Variants in AUTS2 observed in about 807,000 individuals in gnomAD.
AUTS2 encodes the protein activator of transcription and developmental regulator AUTS2.
In AUTS2, 17 loss-of-function variants were observed where a neutral mutation model predicts 112.4. That is an observed-to-expected ratio of 0.15 (90% CI 0.10 to 0.23). AUTS2 has a LOEUF of 0.23. Ranked by LOEUF, AUTS2 falls within the 10% of genes least tolerant of loss-of-function variation. The probability of loss-of-function intolerance (pLI) is 1.00; values close to 1 mark genes in which losing one functional copy is unlikely to be tolerated. For missense variants in AUTS2, 1,510 were observed against 1,701.6 expected (o/e 0.89, Z 1.98); for synonymous variants, 751 against 702.7 (o/e 1.07, Z -1.09).
At chr7:70,342,150 C>T (rs1174809781) in intron 4 of AUTS2, among the ~76,000 whole-genome samples, 1 of 152,132 alleles carries the variant, frequency 6.6e-6, no homozygotes, top group Admixed American at 6.5e-5. Context: ...CTCTCCCTGC[C>T]TTGCAGTCAT....
At chr7:70,769,725 A>C (rs1421775763) in intron 10 of AUTS2, among the ~76,000 whole-genome samples, 1 of 152,140 alleles carries the variant, frequency 6.6e-6, no homozygotes, top group Admixed American at 6.5e-5. Context: ...GAGCACCCAA[A>C]AAGTGGCTCA....
rs987475496 is a variant in AUTS2 at position 70,689,694 on chromosome 7, T to C, written c.691-8875T>C. On this transcript the variant is annotated intron_variant, in intron 5 of 18. Coordinates refer to ENST00000342771, the MANE Select transcript of AUTS2 (RefSeq NM_015570.4). The stretch of plus-strand genomic sequence containing the variant: ...GGGAGGCTGAGGCAGGAGAATGGTG[T>C]GAACCCGGGAGGCGGGGCTTGCAGT... Among the ~76,000 whole-genome samples the C allele has an allele frequency of 3.4e-5, 5 of 145,628 alleles. No homozygotes were observed. In the East Asian group the frequency reaches 1.0e-3, roughly 30 times the overall value.
At position 70,206,253 on chromosome 7, in the gene AUTS2, T is replaced by G. The variant is rs1248407661; in HGVS notation, c.660+71682T>G. On this transcript the variant is annotated intron_variant, in intron 4 of 18. Transcript: ENST00000342771. ...ATTTTACAGCTTGAAAGTGGAGGCTTTCTTGTGTATCTATGTATGGTGATG... is the reference window on the plus strand; with the variant it reads ...ATTTTACAGCTTGAAAGTGGAGGCTGTCTTGTGTATCTATGTATGGTGATG... Among the ~76,000 whole-genome samples, 6 of 152,280 alleles carry G rather than the reference T, an allele frequency of 3.9e-5. No homozygotes were observed. The South Asian group carries it at 6.2e-4, about 16-fold the overall frequency.
At chr7:70,647,081 G>C (rs1405616272) in intron 5 of AUTS2, among the ~76,000 whole-genome samples, 5 of 152,180 alleles carry the variant, frequency 3.3e-5, no homozygotes, top group Non-Finnish European at 7.3e-5. Context: ...ACCCAGGAGA[G>C]AAGTTTGTTT....
intron 1 of AUTS2, among the ~76,000 whole-genome samples, chr7:69,729,878 T>A (rs138672649): frequency 6.6e-6 from 1 of 152,104 alleles, no homozygotes; most frequent in African/African-American, 2.4e-5. Context: ...AAAAAGTTGT[T>A]CTTCCCCTTT....
At chr7:70,314,146 CT>C (rs1230047788) in intron 4 of AUTS2, among the ~76,000 whole-genome samples, 22 of 152,258 alleles carry the variant, frequency 1.4e-4, no homozygotes, top group Middle Eastern at 3.4e-3. Context: ...GTGAGATTTC[CT>C]TTCCTTCCGT....
chr7:69,912,373 T>C (rs1795396808), intron 2 of AUTS2, among the ~76,000 whole-genome samples: 1 of 152,170 alleles, frequency 6.6e-6, no homozygotes, highest in Admixed American at 6.5e-5. Context: ...AATCTCCCTC[T>C]CTGCCAACTC....
At chr7:69,991,752 G>A (rs536940469) in intron 2 of AUTS2, among the ~76,000 whole-genome samples, 10 of 152,238 alleles carry the variant, frequency 6.6e-5, no homozygotes, top group South Asian at 4.1e-4. Context: ...GAAACCATCC[G>A]ATCTCAATCC....
At chr7:69,634,854 C>CTGGAT (rs1239403334) in intron 1 of AUTS2, among the ~76,000 whole-genome samples, 1 of 152,180 alleles carries the variant, frequency 6.6e-6, no homozygotes, top group Non-Finnish European at 1.5e-5. Context: ...TAACACTCAC[C>CTGGAT]TGGATTATTC....
chr7:70,476,191 A>G (rs1797575223), intron 5 of AUTS2, among the ~76,000 whole-genome samples: 2 of 152,174 alleles, frequency 1.3e-5, no homozygotes, highest in Admixed American at 6.5e-5. Context: ...TACAAAGTAG[A>G]TGGTGCTAGA....
At chr7:70,491,218 ACACT>A (rs1798215456) in intron 5 of AUTS2, among the ~76,000 whole-genome samples, 1 of 151,206 alleles carries the variant, frequency 6.6e-6, no homozygotes, top group Non-Finnish European at 1.5e-5. Flanking sequence ...TCATTATCAC[ACACT>A]CTCTCTCTCT....
At chr7:70,487,818 T>C (rs1283233604) in intron 5 of AUTS2, among the ~76,000 whole-genome samples, 4 of 152,148 alleles carry the variant, frequency 2.6e-5, no homozygotes, top group Non-Finnish European at 5.9e-5. Context: ...GGAAAACTAA[T>C]GGCAGTAAAA....
At chr7:70,277,946 G>GTA (rs1048988948) in intron 4 of AUTS2, among the ~76,000 whole-genome samples, 10 of 131,668 alleles carry the variant, frequency 7.6e-5, no homozygotes, top group Non-Finnish European at 1.1e-4. Context: ...GTGTGTGTGT[G>GTA]TGTATGTATG....
chr7:70,308,748 C>T (rs1411191377), intron 4 of AUTS2, among the ~76,000 whole-genome samples: 1 of 152,156 alleles, frequency 6.6e-6, no homozygotes, highest in African/African-American at 2.4e-5. Flanking sequence ...TATCTTTATC[C>T]TTTCTCAGAC....
At chr7:69,966,261 A>G (rs1261020679) in intron 2 of AUTS2, among the ~76,000 whole-genome samples, 1 of 152,158 alleles carries the variant, frequency 6.6e-6, no homozygotes, top group Non-Finnish European at 1.5e-5. Context: ...GGGAAATGAA[A>G]CAGTGGGTCA....
intron 5 of AUTS2, among the ~76,000 whole-genome samples, chr7:70,444,365 TGTGTGTGTGA>T (rs1796235705): frequency 6.7e-6 from 1 of 149,214 alleles, no homozygotes; most frequent in South Asian, 2.1e-4. Flanking sequence ...TGTGTGTGTG[TGTGTGTGTGA>T]GAGAGAGAGA....
At chr7:69,864,157 C>T (rs970085947) in intron 1 of AUTS2, among the ~76,000 whole-genome samples, 1 of 152,232 alleles carries the variant, frequency 6.6e-6, no homozygotes, top group Non-Finnish European at 1.5e-5. Flanking sequence ...CCTCCAATAA[C>T]ACATACTTTG....
intron 2 of AUTS2, among the ~76,000 whole-genome samples, chr7:70,086,636 A>G (rs927143772): frequency 7.1e-5 from 9 of 126,164 alleles, no homozygotes; most frequent in East Asian, 2.2e-4. Context: ...GTGAGACTCC[A>G]TCTCAAAAAA....
rs367915673 is a variant in AUTS2, at chr7:70,359,780, C to G, written c.661-75972C>G. ...AGTTTTGGTGGAGACAAACCACATC[C>G]AAAACACAGCAGCTTCTAAAATTAG... On this transcript the variant is annotated intron_variant, in intron 4 of 18. Coordinates refer to ENST00000342771, the MANE Select transcript of AUTS2 (RefSeq NM_015570.4). 1.5e-4 allele frequency among the ~76,000 whole-genome samples: 23 copies of G among 152,254 alleles called. No homozygotes were observed. The East Asian group carries it at 3.7e-3, about 24-fold the overall frequency.
Sources: allele counts gnomAD v4.1 joint callset (sites outside exome capture counted in the v4.1 genomes callset), GRCh38; gene constraint gnomAD v4.1.1; transcripts MANE v1.5; gene names NCBI Gene and HGNC (gene_info 2026-07-23, HGNC 2026-07-21).